Variants in MTOR observed in about 807,000 individuals in gnomAD.
MTOR encodes serine/threonine-protein kinase mTOR.
MTOR carries 70 observed loss-of-function variants against 319.8 expected under a neutral mutation model. The observed-to-expected ratio is 0.22, with a 90% CI of 0.18 to 0.27. MTOR has a LOEUF of 0.27. Among genes scored for constraint, MTOR ranks in the 10% least tolerant of loss-of-function variants. The pLI, the probability that MTOR is intolerant of heterozygous loss-of-function variation, is 1.00. For missense variants in MTOR, 1,890 were observed against 3,274.4 expected (o/e 0.58, Z 10.32); for synonymous variants, 1,183 against 1,211.4 (o/e 0.98, Z 0.49).
Position 11,121,288 on chromosome 1 carries a change from G to A in MTOR, c.6891C>T (p.Asp2297=), listed in dbSNP as rs763361130. The change falls in exon 49 of 58, where the codon GAC becomes GAT. Residue 2297 remains aspartate (D), a synonymous_variant. Coordinates refer to ENST00000361445, the MANE Select transcript of MTOR (RefSeq NM_004958.4). This position sits in a 1 kb window ranked among gnomAD's most constrained non-coding sequence, Gnocchi z 4.9. ...TCAGCCACAGCAGCTTGGCCAGGTC[G>A]TCCCCAGCTGTATTATTGACGGCAT... ...FEHAVNNTAG[D]DLAKLLWLKS... The A allele has an allele frequency of 1.6e-5, 26 of 1,613,828 alleles. No homozygotes were observed. Among genetic ancestry groups the A allele is most frequent in the African/African-American group, 5.3e-5 (4 of 74,920 alleles).
intron 56 of MTOR, 123 bp from the exon 57 acceptor site, chr1:11,108,409 T>C: frequency 1.3e-6 from 1 of 796,220 alleles, no homozygotes; most frequent in Non-Finnish European, 2.1e-6. Context: ...AAGGATACCA[T>C]CATAGTTGGA....
intron 28 of MTOR, among the ~76,000 whole-genome samples, chr1:11,176,926 G>C (rs1645011395): frequency 6.6e-6 from 1 of 152,160 alleles, no homozygotes; most frequent in African/African-American, 2.4e-5. Context: ...ACTCAAGAAT[G>C]AACAGACTAA....
intron 28 of MTOR, among the ~76,000 whole-genome samples, chr1:11,191,635 A>G (rs147809749): frequency 3.5e-4 from 54 of 152,286 alleles, no homozygotes; most frequent in African/African-American, 1.3e-3. Context: ...GCCCTAGAGT[A>G]AAAAAACTGG....
At chr1:11,244,654 A>G (rs537075091) in intron 8 of MTOR, among the ~76,000 whole-genome samples, 19 of 152,342 alleles carry the variant, frequency 1.2e-4, no homozygotes, top group African/African-American at 4.1e-4. Flanking sequence ...AACAAACAAA[A>G]AAACAGTACA....
intron 28 of MTOR, among the ~76,000 whole-genome samples, chr1:11,168,939 T>A (rs936071161): frequency 3.9e-5 from 6 of 152,192 alleles, no homozygotes; most frequent in Non-Finnish European, 8.8e-5. Flanking sequence ...ACAATGATTA[T>A]ATCTGTTTAA....
In MTOR at chr1:11,130,709, G is replaced by T. The variant is rs148320190; in HGVS notation, c.5433C>A (p.Arg1811=). The T allele has an allele frequency of 6.2e-7, 1 of 1,602,190 alleles. No homozygotes were observed. Among genetic ancestry groups the T allele is most frequent in the African/African-American group, 1.3e-5 (1 of 74,776 alleles). The change falls in exon 39 of 58, where the codon CGC becomes CGA. Residue 1811 remains arginine, a synonymous_variant. Coordinates refer to ENST00000361445, the MANE Select transcript of MTOR (RefSeq NM_004958.4). ...VLHYKHQNQA[R]DEKKKLRHAS... is the part of the protein sequence containing the mutation. ...CATGACGCAGTTTCTTCTTCTCATCGCGGGCTTGGTTCTGATGTTTGTAGT... is the reference window on the plus strand; with the variant it reads ...CATGACGCAGTTTCTTCTTCTCATCTCGGGCTTGGTTCTGATGTTTGTAGT...
At chr1:11,168,110 C>T (rs886773789) in intron 28 of MTOR, among the ~76,000 whole-genome samples, 9 of 151,518 alleles carry the variant, frequency 5.9e-5, no homozygotes, top group Non-Finnish European at 1.2e-4. Context: ...TCCTCTCAGA[C>T]GCCGGCAGGC....
rs769447576 is a variant in MTOR at position 11,241,645 on chromosome 1, G to A, written c.1449C>T (p.Phe483=). ...CTCGAGCCAGCATGCTGATGCAAGTGAAGACTGTGGCATCCACCTGCATTG... is the reference window on the plus strand; with the variant it reads ...CTCGAGCCAGCATGCTGATGCAAGTAAAGACTGTGGCATCCACCTGCATTG... The part of the protein sequence containing the change: ...QKAMQVDATV[F]TCISMLARAM... Residue 483 remains phenylalanine, a synonymous_variant, in exon 10 of 58, where the codon TTC becomes TTT. Transcript: ENST00000361445. The A allele has an allele frequency of 6.2e-7, 1 of 1,614,014 alleles. No homozygotes were observed. Among genetic ancestry groups the A allele is most frequent in the Non-Finnish European group, 8.5e-7 (1 of 1,179,900 alleles).
chr1:11,238,766 CTT>C (rs35144517), intron 11 of MTOR, 149 bp from the exon 12 acceptor site: 1,794 of 473,354 alleles, frequency 3.8e-3, no homozygotes, highest in South Asian at 6.5e-3. Flanking sequence ...CGGAACTCTT[CTT>C]TTTTTTTTTT....
chr1:11,157,402 T>C lies in MTOR; in HGVS notation c.4330-111A>G, dbSNP rs1644352372. 3.1e-6 allele frequency: 4 copies of C among 1,294,510 alleles called. 1 individual carries two copies. The South Asian group carries it at 6.4e-5, about 21-fold the overall frequency. The allele number at this position is 1,294,510 out of a possible 1,614,324, so 80.2% of individuals were successfully genotyped here. A position where few individuals can be genotyped will look rare whatever the true frequency, so the allele number is the denominator to read the frequency against. ...GCTGCTGTACGCATGACACTTCACC[T>C]ATCACAGTTACGTCTGGGCTTGGAT... On this transcript the variant is annotated intron_variant, in intron 29 of 57. Coordinates refer to ENST00000361445, the MANE Select transcript of MTOR (RefSeq NM_004958.4).
At chr1:11,220,941 T>C (rs1245066675) in intron 19 of MTOR, among the ~76,000 whole-genome samples, 6 of 152,208 alleles carry the variant, frequency 3.9e-5, no homozygotes, top group African/African-American at 2.4e-5. Context: ...TAAGATTTTA[T>C]TTATAGTTCT....
chr1:11,112,949 G>C (rs1425200686), intron 53 of MTOR, 32 bp from the exon 54 acceptor site: 1 of 1,592,348 alleles, frequency 6.3e-7, no homozygotes, highest in Non-Finnish European at 8.6e-7. Context: ...ATTGAAACAT[G>C]CTTCAAATTT....
chr1:11,163,121 G>A (rs1427162644), intron 29 of MTOR, among the ~76,000 whole-genome samples: 2 of 152,042 alleles, frequency 1.3e-5, no homozygotes, highest in African/African-American at 4.8e-5. Context: ...CAAAAAAAAA[G>A]CAGGGGTTGC....
At chr1:11,107,826 G>A (rs1160204139) in intron 57 of MTOR, among the ~76,000 whole-genome samples, 1 of 152,142 alleles carries the variant, frequency 6.6e-6, no homozygotes, top group Non-Finnish European at 1.5e-5. Flanking sequence ...CCTTCTCTCT[G>A]TCACTGCTCT....
At chr1:11,217,567 ATT>A (rs780838551) in intron 19 of MTOR, among the ~76,000 whole-genome samples, 14 of 139,568 alleles carry the variant, frequency 1.0e-4, no homozygotes, top group Non-Finnish European at 1.3e-4. Context: ...TGCCCGGCTA[ATT>A]TTTTTTTTTT....
chr1:11,123,783 CTTACT>C (rs1308327177), intron 47 of MTOR, among the ~76,000 whole-genome samples: 2 of 150,142 alleles, frequency 1.3e-5, no homozygotes, highest in Admixed American at 1.3e-4. Flanking sequence ...TTTTTTTTTC[CTTACT>C]TTAGTTATTT....
chr1:11,183,284 C>T (rs1645215156), intron 28 of MTOR, among the ~76,000 whole-genome samples: 1 of 152,118 alleles, frequency 6.6e-6, no homozygotes, highest in Non-Finnish European at 1.5e-5. Flanking sequence ...TGCCTGTTCA[C>T]ATCTTTTGTC....
chr1:11,257,522 C>T (rs1223227124), intron 3 of MTOR, among the ~76,000 whole-genome samples: 1 of 136,978 alleles, frequency 7.3e-6, no homozygotes, highest in African/African-American at 2.7e-5. Flanking sequence ...GAGACTGCAC[C>T]ATTGCACTCC....
chr1:11,242,593 C>A (rs1012411208), intron 9 of MTOR, among the ~76,000 whole-genome samples: 2 of 150,720 alleles, frequency 1.3e-5, no homozygotes, highest in African/African-American at 4.9e-5. Context: ...TAAAGACAAC[C>A]TGAGACAAAG....
Sources: allele counts gnomAD v4.1 joint callset (sites outside exome capture counted in the v4.1 genomes callset), GRCh38; gene constraint gnomAD v4.1.1; non-coding constraint Gnocchi (gnomAD v3.1); transcripts MANE v1.5; gene names NCBI Gene and HGNC (gene_info 2026-07-23, HGNC 2026-07-21).